The following BRME1 variants were observed in gnomAD, a reference collection of about 807,000 sequenced individuals.
The protein encoded by BRME1 is break repair meiotic recombinase recruitment factor 1.
Under a neutral mutation model 52.6 loss-of-function variants are expected in BRME1, and 31 were observed. The observed-to-expected ratio is 0.59, with a 90% CI of 0.44 to 0.80. The LOEUF is 0.80. Ranked by LOEUF, BRME1 falls within the 30% of genes least tolerant of loss-of-function variation. The probability of loss-of-function intolerance (pLI) is 0.00; values close to 1 mark genes in which losing one functional copy is unlikely to be tolerated. For synonymous variants in BRME1, 359 were observed against 353.6 expected, an observed-to-expected ratio of 1.02 and a Z score of -0.17; for missense variants, 804 against 860.3, an observed-to-expected ratio of 0.93 and a Z score of 0.82.
intron 5 of BRME1, 67 bp from the exon 6 acceptor site, chr19:13,890,529 AG>A: frequency 7.1e-7 from 1 of 1,399,856 alleles, no homozygotes; most frequent in Non-Finnish European, 9.4e-7. Context: ...GTTTTCTATT[AG>A]GTTGGTGTAA....
intron 2 of BRME1, among the ~76,000 whole-genome samples, chr19:13,903,755 C>T (rs1409591089): frequency 6.6e-6 from 1 of 151,482 alleles, no homozygotes; most frequent in Admixed American, 6.6e-5. Context: ...AGTTGAGAAA[C>T]ACTGCTCTAA....
At chr19:13,895,249 G>T in intron 3 of BRME1, 123 bp downstream of exon 3, 1 of 977,828 alleles carries the variant, frequency 1.0e-6, no homozygotes, top group South Asian at 2.0e-5. Context: ...AGCTCTGGGA[G>T]GGAGTGGGTC....
chr19:13,887,079 T>G (rs1053273671), intron 6 of BRME1, among the ~76,000 whole-genome samples: 3 of 152,180 alleles, frequency 2.0e-5, no homozygotes, highest in African/African-American at 7.2e-5. Context: ...TGACGAGACC[T>G]TGGTTTGAGG....
intron 2 of BRME1, among the ~76,000 whole-genome samples, chr19:13,897,286 C>T (rs1322909402): frequency 6.6e-6 from 1 of 152,078 alleles, no homozygotes; most frequent in Non-Finnish European, 1.5e-5. Flanking sequence ...ATCCGCCCGC[C>T]TCGGCCTCCC....
chr19:13,894,711 C>A (rs1306102082), intron 3 of BRME1, among the ~76,000 whole-genome samples: 1 of 152,084 alleles, frequency 6.6e-6, no homozygotes, highest in African/African-American at 2.4e-5. Context: ...CTGCACTCAG[C>A]CCTGATTGCT....
In BRME1 at chr19:13,888,781, A is replaced by G. The variant is rs1969223697; in HGVS notation, c.1668+407T>C. On this transcript the variant is annotated intron_variant, in intron 6 of 8. Transcript: ENST00000586783. The surrounding 1 kb of genome is among the most constrained non-coding windows in gnomAD (Gnocchi z 4.1). Reference sequence around the variant, plus strand: ...GGAGTGAAGCCCCCTCCCCAGGCCCAGGTATAAAGCCATCCCCAGGCCCAG... The same window carrying G: ...GGAGTGAAGCCCCCTCCCCAGGCCCGGGTATAAAGCCATCCCCAGGCCCAG... 1.3e-5 allele frequency among the ~76,000 whole-genome samples: 2 copies of G among 152,074 alleles called. No homozygotes were observed. Among genetic ancestry groups the G allele is most frequent in the African/African-American group, 4.8e-5 (2 of 41,400 alleles).
chr19:13,887,735 G>A (rs1218120362), intron 6 of BRME1, among the ~76,000 whole-genome samples: 1 of 150,826 alleles, frequency 6.6e-6, no homozygotes. Context: ...ACATGCTCGT[G>A]TTCAGCCTCT....
rs768428892 is a variant in BRME1 at position 13,889,231 on chromosome 19, T to C, written c.1625A>G (p.Gln542Arg). 6 of 1,611,022 alleles carry C rather than the reference T, an allele frequency of 3.7e-6. No individual in the cohort carries two copies. The highest frequency in any genetic ancestry group is 5.1e-6 in the Non-Finnish European group (6 of 1,178,244). The change falls in exon 6 of 9, where the codon CAG (glutamine) becomes CGG (arginine). Residue 542 changes from glutamine (Q) to arginine (R), a missense_variant. By Grantham distance (43) the Gln-to-Arg change is conservative (BLOSUM62 1). Transcript: ENST00000586783. ...ELDFLLDSQIQDALDASDFEA... is the reference protein window; with the variant it reads ...ELDFLLDSQIRDALDASDFEA... ...GAAGTCAGAGGCGTCCAGGGCATCC[T>C]GTATCTGGCTGTCCAGCAGGAAGTC...
chr19:13,893,098 G>A lies in BRME1; in HGVS notation c.288+44C>T, dbSNP rs751877358. The A allele has an allele frequency of 7.8e-6, 12 of 1,535,954 alleles. No individual in the cohort carries two copies. In the South Asian group the frequency reaches 1.1e-4, roughly 14 times the overall value. On this transcript the variant is annotated intron_variant, in intron 4 of 8. Coordinates refer to ENST00000586783, the MANE Select transcript of BRME1 (RefSeq NM_001345843.2). ...GACACAGAGCCGGAACTTTAAGGGAGGCAGTGGTGCTTCTATATCCACGAG... is the reference window on the plus strand; with the variant it reads ...GACACAGAGCCGGAACTTTAAGGGAAGCAGTGGTGCTTCTATATCCACGAG...
chr19:13,892,317 G>A (rs1481637628), intron 5 of BRME1, among the ~76,000 whole-genome samples: 3 of 152,178 alleles, frequency 2.0e-5, no homozygotes, highest in Admixed American at 6.5e-5. Context: ...CGTGCGCAGT[G>A]GCTCATGCCT....
intron 2 of BRME1, among the ~76,000 whole-genome samples, chr19:13,899,602 A>G (rs1208902603): frequency 2.6e-5 from 4 of 152,018 alleles, no homozygotes; most frequent in South Asian, 2.1e-4. Context: ...ACTGAGTGCA[A>G]TGCACCCTTT....
At position 13,889,654 on chromosome 19, in the gene BRME1, G is replaced by A. The variant is rs142928199; in HGVS notation, c.1202C>T (p.Ala401Val). The A allele has an allele frequency of 2.1e-5, 34 of 1,609,706 alleles. No individual in the cohort carries two copies. In the African/African-American group the frequency reaches 3.7e-4, roughly 18 times the overall value. ...GCCGGGGGGCTTGCCATCCTGCCCT[G>A]CCTCCCCACTTTCTCCTGTGGTTTC... is the stretch of plus-strand genomic sequence containing the variant. ...TGETTGESGE[A>V]GQDGKPPGDV... The change falls in exon 6 of 9, where the codon GCA becomes GTA. Residue 401 changes from alanine (A) to valine (V), a missense_variant. This residue lies in a region of BRME1 where 552 missense variants were observed against 561.1 expected (regional missense o/e 0.98). Transcript: ENST00000586783.
chr19:13,889,751 C>A lies in BRME1; in HGVS notation c.1105G>T (p.Ala369Ser), dbSNP rs1167511623. Reference protein sequence around the residue: ...PDGQASAISPASPRRKAADGG... With the variant: ...PDGQASAISPSSPRRKAADGG... Reference sequence around the variant, plus strand: ...TCAGCGGCCTTCCTCCTGGGAGAGGCAGGTGATATGGCACTGGCCTGCCCA... The same window carrying A: ...TCAGCGGCCTTCCTCCTGGGAGAGGAAGGTGATATGGCACTGGCCTGCCCA... The change falls in exon 6 of 9, where the codon GCC becomes TCC. Residue 369 changes from alanine to serine, a missense_variant. By Grantham distance (99) the Ala-to-Ser change is moderately conservative. Transcript: ENST00000586783. 6.2e-7 allele frequency: 1 copy of A among 1,609,622 alleles called. No individual in the cohort carries two copies. Among genetic ancestry groups the A allele is most frequent in the South Asian group, 1.1e-5 (1 of 90,824 alleles).
At chr19:13,897,104 T>C (rs992151625) in intron 2 of BRME1, among the ~76,000 whole-genome samples, 34 of 150,254 alleles carry the variant, frequency 2.3e-4, no homozygotes, top group African/African-American at 8.4e-4. Flanking sequence ...AATGGCACGA[T>C]CTCTGCTCAC....
At position 13,882,895 on chromosome 19, in the gene BRME1, C is replaced by T. The variant is rs1968737789; in HGVS notation, c.1914G>A (p.Arg638=). The change falls in exon 9 of 9, where the codon CGG becomes CGA. Residue 638 remains arginine (R), a synonymous_variant. Coordinates refer to ENST00000586783, the MANE Select transcript of BRME1 (RefSeq NM_001345843.2). ...DLEAFKRLNY[R]KTKLGGKAPL... is the part of the protein sequence containing the mutation. ...GGGCTTTGCCTCCCAGCTTTGTCTT[C>T]CGGTAGTTAAGGCGCTTGAAAGCTT... 4 of 1,613,846 alleles carry T rather than the reference C, an allele frequency of 2.5e-6. No individual in the cohort carries two copies. In the South Asian group the frequency reaches 4.4e-5, roughly 18 times the overall value.
intron 2 of BRME1, among the ~76,000 whole-genome samples, 196 bp downstream of exon 2, chr19:13,904,666 T>A (rs1418258543): frequency 8.0e-5 from 12 of 150,064 alleles, no homozygotes; most frequent in Non-Finnish European, 1.8e-4. Flanking sequence ...GGTCTTGAAC[T>A]CCTGACCTTG....
intron 2 of BRME1, among the ~76,000 whole-genome samples, chr19:13,901,056 TG>T (rs1261529472): frequency 2.0e-5 from 3 of 152,086 alleles, no homozygotes; most frequent in Admixed American, 2.0e-4. Context: ...CACTGCAGCC[TG>T]GAACTCCTCA....
At chr19:13,902,002 C>T (rs1970327618) in intron 2 of BRME1, among the ~76,000 whole-genome samples, 1 of 151,684 alleles carries the variant, frequency 6.6e-6, no homozygotes, top group Non-Finnish European at 1.5e-5. Flanking sequence ...GATTGTGCCA[C>T]TGCTCTCCAG....
chr19:13,885,580 A>G (rs35835657), intron 7 of BRME1: 60,817 of 174,304 alleles, frequency 0.35, 15,510 homozygotes, highest in African/African-American at 0.75. Flanking sequence ...AGCTAGGAAC[A>G]GCTCCAAGAT....
Sources: gnomAD v4.1 joint callset for allele counts (sites outside exome capture counted in the v4.1 genomes callset) on GRCh38, gnomAD v4.1.1 for gene constraint, gnomAD v4.1.1 regional missense constraint, Gnocchi (gnomAD v3.1) non-coding constraint, MANE v1.5 for transcripts, NCBI Gene and HGNC (gene_info 2026-07-23, HGNC 2026-07-21) for gene names.